ADK: variants seen among roughly 807,000 people sequenced by gnomAD.
The protein encoded by ADK is adenosine kinase, also known as N6,N6-dimethyladenosine kinase.
ADK carries 24 observed loss-of-function variants against 44.7 expected under a neutral mutation model. That is an observed-to-expected ratio of 0.54 (90% confidence interval 0.39 to 0.76). The LOEUF is 0.76. Ranked by LOEUF, ADK falls within the 30% of genes least tolerant of loss-of-function variation. The pLI is 0.00. For synonymous variants in ADK, 128 were observed against 142.6 expected, an observed-to-expected ratio of 0.90 and a Z score of 0.73; for missense variants, 321 against 425.1, an observed-to-expected ratio of 0.76 and a Z score of 2.15.
intron 9 of ADK, among the ~76,000 whole-genome samples, chr10:74,616,428 T>C (rs151261872): frequency 1.3e-4 from 20 of 152,256 alleles, no homozygotes; most frequent in African/African-American, 4.3e-4. Flanking sequence ...GAATGATTCA[T>C]TTATTTTGCC....
At chr10:74,168,973 C>T (rs956435548) in intron 1 of ADK, among the ~76,000 whole-genome samples, 2 of 152,036 alleles carry the variant, frequency 1.3e-5, no homozygotes, top group African/African-American at 4.8e-5. Context: ...TGCCTGTAAT[C>T]CCAGCACTTT....
At chr10:74,257,867 T>A (rs920077508) in intron 3 of ADK, among the ~76,000 whole-genome samples, 8 of 152,206 alleles carry the variant, frequency 5.3e-5, no homozygotes, top group African/African-American at 1.9e-4. Context: ...TGCAAACTTA[T>A]TGTCTCTGTG....
chr10:74,643,185 T>C (rs574810889), intron 9 of ADK, among the ~76,000 whole-genome samples: 2 of 152,144 alleles, frequency 1.3e-5, no homozygotes, highest in Non-Finnish European at 2.9e-5. Context: ...AGGGGTCATC[T>C]TATCTCATTC....
rs1268434404 is a variant in ADK, at chr10:74,177,940, TATA to T, written c.66-22823_66-22821del. On this transcript the variant is annotated intron_variant, in intron 1 of 10. Coordinates refer to ENST00000539909, the MANE Select transcript of ADK (RefSeq NM_006721.4). The stretch of plus-strand genomic sequence containing the variant: ...TTGCATAATTATATATATATATATA[TATA>T]TATTTTTTTTTTTTTGAGACAGAGT... Among the ~76,000 whole-genome samples the T allele has an allele frequency of 7.5e-3, 739 of 98,616 alleles. 4 individuals carry two copies. Among genetic ancestry groups the T allele is most frequent in the African/African-American group, 0.021 (544 of 26,056 alleles). 64.7% of individuals were successfully genotyped at this position (98,616 alleles called of 152,430 possible). A position where few individuals can be genotyped will look rare whatever the true frequency, so the allele number is the denominator to read the frequency against.
Position 74,674,537 on chromosome 10 carries a change from A to AG in ADK, c.964+4270dup, listed in dbSNP as rs1460489888. Among the ~76,000 whole-genome samples, 14 of 152,322 alleles carry AG rather than the reference A, an allele frequency of 9.2e-5. No individual in the cohort carries two copies. The East Asian group carries it at 2.5e-3, about 27-fold the overall frequency. ...GTAGTCCCAGCTACTCAGGAGGCTG[A>AG]GGCCCTGCCCGTATGGAAAAATTAA... is the stretch of plus-strand genomic sequence containing the variant. On this transcript the variant is annotated intron_variant, in intron 10 of 10. Coordinates refer to ENST00000539909, the MANE Select transcript of ADK (RefSeq NM_006721.4).
intron 5 of ADK, among the ~76,000 whole-genome samples, chr10:74,398,081 T>C (rs1843581362): frequency 6.6e-6 from 1 of 152,212 alleles, no homozygotes; most frequent in East Asian, 1.9e-4. Context: ...TATGTTGATA[T>C]TTATTTTTAT....
chr10:74,414,229 G>C lies in ADK; in HGVS notation c.555+15650G>C, dbSNP rs563602725. ...GATTTGTAAAAAAAAATAATAAAAA[G>C]GTATCTGTGAAGTGCAATAAAATAA... is the stretch of plus-strand genomic sequence containing the variant. On this transcript the variant is annotated intron_variant, in intron 6 of 10. Coordinates refer to ENST00000539909, the MANE Select transcript of ADK (RefSeq NM_006721.4). Among the ~76,000 whole-genome samples the C allele has an allele frequency of 1.3e-4, 20 of 152,088 alleles. 1 individual carries two copies. The South Asian group carries it at 2.9e-3, about 22-fold the overall frequency.
At chr10:74,203,943 A>G (rs375753065) in intron 2 of ADK, among the ~76,000 whole-genome samples, 1 of 117,500 alleles carries the variant, frequency 8.5e-6, no homozygotes, top group Non-Finnish European at 1.8e-5. Context: ...CTTTCCATTT[A>G]TTTAGGTCTT....
chr10:74,368,620 C>G (rs1290573394), intron 4 of ADK, among the ~76,000 whole-genome samples: 1 of 151,738 alleles, frequency 6.6e-6, no homozygotes, highest in Non-Finnish European at 1.5e-5. Flanking sequence ...CTTCAAGTTT[C>G]TGTCTGAAAT....
At chr10:74,616,146 A>C (rs1454857684) in intron 9 of ADK, among the ~76,000 whole-genome samples, 1 of 152,118 alleles carries the variant, frequency 6.6e-6, no homozygotes, top group Non-Finnish European at 1.5e-5. Context: ...TATTGTAGAT[A>C]TCTCCTGCTA....
chr10:74,465,209 A>C (rs892416275), intron 6 of ADK, among the ~76,000 whole-genome samples: 2 of 152,194 alleles, frequency 1.3e-5, no homozygotes, highest in African/African-American at 4.8e-5. Context: ...AGTTGTGCAC[A>C]TATTAGGGAG....
intron 3 of ADK, among the ~76,000 whole-genome samples, chr10:74,302,631 C>G (rs895588605): frequency 1.3e-5 from 2 of 151,948 alleles, no homozygotes; most frequent in Non-Finnish European, 2.9e-5. Flanking sequence ...CGTCTCTTAA[C>G]AAAAATATTT....
At chr10:74,276,228 G>T (rs974502113) in intron 3 of ADK, among the ~76,000 whole-genome samples, 5 of 152,124 alleles carry the variant, frequency 3.3e-5, no homozygotes, top group Admixed American at 6.6e-5. Context: ...GCCCTGTGAG[G>T]CATAAAACCC....
At chr10:74,278,735 T>C (rs1846800026) in intron 3 of ADK, among the ~76,000 whole-genome samples, 1 of 152,172 alleles carries the variant, frequency 6.6e-6, no homozygotes, top group Non-Finnish European at 1.5e-5. Flanking sequence ...TTTATAGGCA[T>C]GATGATAGCA....
At chr10:74,509,667 A>C (rs1421482668) in intron 6 of ADK, among the ~76,000 whole-genome samples, 1 of 152,200 alleles carries the variant, frequency 6.6e-6, no homozygotes, top group Non-Finnish European at 1.5e-5. Context: ...AGAGGTATAG[A>C]ATTCTATAAC....
intron 1 of ADK, among the ~76,000 whole-genome samples, chr10:74,193,819 A>G (rs1458133476): frequency 6.6e-6 from 1 of 152,182 alleles, no homozygotes; most frequent in Non-Finnish European, 1.5e-5. Context: ...GAATCACTGA[A>G]AACCCATGGA....
intron 3 of ADK, 152 bp downstream of exon 3, chr10:74,224,743 A>G (rs747709429): frequency 8.7e-6 from 6 of 690,290 alleles, no homozygotes; most frequent in Non-Finnish European, 1.5e-5. Context: ...AACCTACACT[A>G]TATAATTTAC....
chr10:74,231,801 A>C (rs1481499733), intron 3 of ADK, among the ~76,000 whole-genome samples: 1 of 152,090 alleles, frequency 6.6e-6, no homozygotes, highest in Non-Finnish European at 1.5e-5. Flanking sequence ...TTTTGTATGT[A>C]GTCATAATAC....
chr10:74,550,614 C>T (rs1307765261), intron 7 of ADK, among the ~76,000 whole-genome samples: 1 of 152,020 alleles, frequency 6.6e-6, no homozygotes, highest in Admixed American at 6.5e-5. Context: ...ACACAGCTGG[C>T]TAGTAGTGTT....
Sources: allele counts gnomAD v4.1 joint callset (sites outside exome capture counted in the v4.1 genomes callset), GRCh38; gene constraint gnomAD v4.1.1; transcripts MANE v1.5; gene names NCBI Gene and HGNC (gene_info 2026-07-23, HGNC 2026-07-21).